LRTM2: variants seen among roughly 807,000 people sequenced by gnomAD.
The protein encoded by LRTM2 is leucine-rich repeat and transmembrane domain-containing protein 2.
A neutral mutation model predicts 28.1 loss-of-function variants in LRTM2; 18 were observed. The ratio of observed to expected loss-of-function variants is 0.64; its 90% CI spans 0.44 to 0.95. The LOEUF is 0.95. LRTM2 is among the 40% of genes least tolerant of loss of function. The probability of loss-of-function intolerance (pLI) is 0.00; values close to 1 mark genes in which losing one functional copy is unlikely to be tolerated. For missense variants in LRTM2, 436 were observed against 497.2 expected (o/e 0.88, Z 1.17); for synonymous variants, 250 against 218.7 (o/e 1.14, Z -1.26).
chr12:1,831,008 C>A lies in LRTM2; in HGVS notation c.141C>A (p.Ser47Arg), dbSNP rs768025964. The part of the protein sequence containing the change: ...PTCPFSCKCD[S>R]RSLEVDCSGL... ...GCCCTTTCTCCTGCAAGTGTGACAG[C>A]CGCAGCCTGGAGGTGGACTGCAGTG... The change falls in exon 4 of 5, where the codon AGC (serine) becomes AGA (arginine). Residue 47 changes from serine (S) to arginine (R), a missense_variant. Ser to Arg is a moderately radical substitution (Grantham distance 110). Coordinates refer to ENST00000299194, the MANE Select transcript of LRTM2 (RefSeq NM_001039029.3). The A allele has an allele frequency of 6.2e-7, 1 of 1,614,154 alleles. No homozygotes were observed. The highest frequency in any genetic ancestry group is 8.5e-7 in the Non-Finnish European group (1 of 1,180,008).
intron 2 of LRTM2, 154 bp from the exon 3 acceptor site, chr12:1,827,922 T>C (rs1209718597): frequency 2.4e-6 from 1 of 411,782 alleles, no homozygotes; most frequent in East Asian, 3.6e-5. Context: ...GAAGGCTTCC[T>C]GGCTCCTCTT....
intron 1 of LRTM2, chr12:1,822,107 GA>G (rs902487571): frequency 2.6e-5 from 4 of 152,088 alleles, no homozygotes; most frequent in African/African-American, 9.7e-5. Flanking sequence ...ACTGCCAAAA[GA>G]GGGAGACCAG....
At chr12:1,824,692 G>A (rs564846163) in intron 1 of LRTM2, among the ~76,000 whole-genome samples, 8 of 152,286 alleles carry the variant, frequency 5.3e-5, no homozygotes, top group East Asian at 3.9e-4. Flanking sequence ...TGCCTGCTGC[G>A]GCAGCTGCTC....
In LRTM2 at chr12:1,831,154, G is replaced by T. The variant is rs750586006; in HGVS notation, c.287G>T (p.Arg96Leu). Residue 96 changes from arginine to leucine, a missense_variant, in exon 4 of 5, where the codon CGG becomes CTG. Arg to Leu is a moderately radical substitution (Grantham distance 102, BLOSUM62 -2). Coordinates refer to ENST00000299194, the MANE Select transcript of LRTM2 (RefSeq NM_001039029.3). ...WAFANLSSLQ[R>L]LDLSNNFLDR... ...TTCGCCAACCTCTCCAGCCTGCAGC[G>T]GTTGGACCTGTCCAACAACTTCCTG... The T allele has an allele frequency of 1.2e-6, 2 of 1,613,946 alleles. No homozygotes were observed. The highest frequency in any genetic ancestry group is 3.3e-5 in the Admixed American group (2 of 60,026).
In LRTM2 at chr12:1,834,912, G is replaced by A; in HGVS notation, c.*191G>A. On this transcript the variant is annotated 3_prime_UTR_variant, in exon 5 of 5. Coordinates refer to ENST00000299194, the MANE Select transcript of LRTM2 (RefSeq NM_001039029.3). This position sits in a 1 kb window ranked among gnomAD's most constrained non-coding sequence, Gnocchi z 7.6. ...GGCTCCCTGAAAGCCACCGTGCTGGGGGCTCCTGCTGATGCTCCTGTCTGG... is the reference window on the plus strand; with the variant it reads ...GGCTCCCTGAAAGCCACCGTGCTGGAGGCTCCTGCTGATGCTCCTGTCTGG... 1.8e-6 allele frequency: 2 copies of A among 1,089,008 alleles called. No homozygotes were observed. The highest frequency in any genetic ancestry group is 2.6e-5 in the East Asian group (1 of 37,778). The allele number at this position is 1,089,008 out of a possible 1,614,324, so 67.5% of individuals were successfully genotyped here.
rs764357898 is a variant in LRTM2, at chr12:1,828,982, T to C, written c.67+767T>C. 1.3e-5 allele frequency among the ~76,000 whole-genome samples: 2 copies of C among 152,228 alleles called. No homozygotes were observed. The highest frequency in any genetic ancestry group is 4.8e-5 in the African/African-American group (2 of 41,452). Reference sequence around the variant, plus strand: ...CGGTCCCGCGGGACGGCATTCCGCCTGACTTCCCGCTCTGATCCAGCACCC... The same window carrying C: ...CGGTCCCGCGGGACGGCATTCCGCCCGACTTCCCGCTCTGATCCAGCACCC... On this transcript the variant is annotated intron_variant, in intron 3 of 4. Transcript: ENST00000299194. This position sits in a 1 kb window ranked among gnomAD's most constrained non-coding sequence, Gnocchi z 4.2.
intron 1 of LRTM2, among the ~76,000 whole-genome samples, chr12:1,826,549 C>A (rs920178410): frequency 3.3e-5 from 5 of 152,236 alleles, no homozygotes; most frequent in African/African-American, 4.8e-5. Flanking sequence ...TGCATGGGCA[C>A]CTGGGCTGCC....
In LRTM2 at chr12:1,834,857, C is replaced by A. The variant is rs990574652; in HGVS notation, c.*136C>A. The stretch of plus-strand genomic sequence containing the variant: ...TCCTCCCCGCCCTCCAGCAGACAAG[C>A]CACACCGGGTTCTCTCCCTGCACTT... On this transcript the variant is annotated 3_prime_UTR_variant, in exon 5 of 5. Transcript: ENST00000299194. The surrounding 1 kb of genome is among the most constrained non-coding windows in gnomAD (Gnocchi z 7.6). The A allele has an allele frequency of 7.0e-7, 1 of 1,420,930 alleles. No individual in the cohort carries two copies. The highest frequency in any genetic ancestry group is 9.2e-7 in the Non-Finnish European group (1 of 1,087,206). 88.0% of individuals were successfully genotyped at this position (1,420,930 alleles called of 1,614,324 possible).
chr12:1,825,242 G>A (rs10848579), intron 1 of LRTM2, among the ~76,000 whole-genome samples: 109,038 of 151,592 alleles, frequency 0.72, 39,399 homozygotes, highest in East Asian at 0.81. Flanking sequence ...AGGGATGGGA[G>A]AGGGTGAGGT....
At chr12:1,830,561 T>C (rs1038237880) in intron 3 of LRTM2, among the ~76,000 whole-genome samples, 1 of 152,176 alleles carries the variant, frequency 6.6e-6, no homozygotes, top group African/African-American at 2.4e-5. Flanking sequence ...ACATCCATGG[T>C]GTCAGTGGGA....
intron 4 of LRTM2, among the ~76,000 whole-genome samples, chr12:1,832,842 TA>T (rs1565697526): frequency 1.3e-5 from 2 of 152,234 alleles, no homozygotes; most frequent in Non-Finnish European, 2.9e-5. Flanking sequence ...CATAAGTAAT[TA>T]AATAAATTAA....
At position 1,829,518 on chromosome 12, in the gene LRTM2, G is replaced by A. The variant is rs1250266645; in HGVS notation, c.67+1303G>A. Among the ~76,000 whole-genome samples, 1 of 152,112 alleles carries A rather than the reference G, an allele frequency of 6.6e-6. No individual in the cohort carries two copies. Among genetic ancestry groups the A allele is most frequent in the Non-Finnish European group, 1.5e-5 (1 of 68,020 alleles). ...CAGTGAGGCTTGCTGTTAGGCTGCAGGGAGGCCTGGGCCAGATCTAGCCAC... is the reference window on the plus strand; with the variant it reads ...CAGTGAGGCTTGCTGTTAGGCTGCAAGGAGGCCTGGGCCAGATCTAGCCAC... On this transcript the variant is annotated intron_variant, in intron 3 of 4. Coordinates refer to ENST00000299194, the MANE Select transcript of LRTM2 (RefSeq NM_001039029.3). This position sits in a 1 kb window ranked among gnomAD's most constrained non-coding sequence, Gnocchi z 4.2.
chr12:1,830,880 G>A, intron 3 of LRTM2, 55 bp from the exon 4 acceptor site: 1 of 1,406,800 alleles, frequency 7.1e-7, no homozygotes, highest in Non-Finnish European at 9.6e-7. Context: ...AAGAGAAGCA[G>A]GAGGTGGTGA....
Position 1,836,661 on chromosome 12 carries a change from A to C in LRTM2, c.*1940A>C, listed in dbSNP as rs1864872060. ...AGGGGAGGGCATTGTCAATGGTGGT[A>C]TCTTTAGCCTGAGACAGAAGATTTT... On this transcript the variant is annotated 3_prime_UTR_variant, in exon 5 of 5. Transcript: ENST00000299194. 1 of 152,630 alleles carries C rather than the reference A, an allele frequency of 6.6e-6. No homozygotes were observed. Among genetic ancestry groups the C allele is most frequent in the South Asian group, 2.1e-4 (1 of 4,828 alleles). The allele number at this position is 152,630 out of a possible 1,614,324, so 9.5% of individuals were successfully genotyped here.
chr12:1,828,415 C>T lies in LRTM2; in HGVS notation c.67+200C>T, dbSNP rs1034999286. Among the ~76,000 whole-genome samples, 26 of 152,242 alleles carry T rather than the reference C, an allele frequency of 1.7e-4. No individual in the cohort carries two copies. Among genetic ancestry groups the T allele is most frequent in the African/African-American group, 5.5e-4 (23 of 41,462 alleles). On this transcript the variant is annotated intron_variant, in intron 3 of 4. Transcript: ENST00000299194. This position sits in a 1 kb window ranked among gnomAD's most constrained non-coding sequence, Gnocchi z 4.2. ...CAGCATCCCTGCCAGTCAGAGTCAC[C>T]GCTGAGTGCTGAGTGGTTAGACCTG...
chr12:1,827,976 G>C, intron 2 of LRTM2, 100 bp from the exon 3 acceptor site: 2 of 472,488 alleles, frequency 4.2e-6, no homozygotes, highest in Non-Finnish European at 7.4e-6. Context: ...ACAGGAGAGG[G>C]CATGAGGAGT....
In LRTM2 at chr12:1,834,608, A is replaced by G. The variant is rs1255825513; in HGVS notation, c.1000A>G (p.Ile334Val). ...GGTGGTGGCCGCTGCCTATGGCTGC[A>G]TCTACGCCTCCCTCATGGCCAAGTA... ...MMVVAAAYGC[I>V]YASLMAKYHR... The change falls in exon 5 of 5, where the codon ATC becomes GTC. Residue 334 changes from isoleucine (I) to valine (V), a missense_variant. Ile to Val is a conservative substitution (Grantham distance 29, BLOSUM62 3). Coordinates refer to ENST00000299194, the MANE Select transcript of LRTM2 (RefSeq NM_001039029.3). This position sits in a 1 kb window ranked among gnomAD's most constrained non-coding sequence, Gnocchi z 7.6. 6.2e-7 allele frequency: 1 copy of G among 1,600,118 alleles called. No homozygotes were observed. Among genetic ancestry groups the G allele is most frequent in the Non-Finnish European group, 8.5e-7 (1 of 1,179,908 alleles).
At chr12:1,821,908 TG>T (rs1864119827) in intron 1 of LRTM2, among the ~76,000 whole-genome samples, 1 of 151,676 alleles carries the variant, frequency 6.6e-6, no homozygotes. Flanking sequence ...AGTGTCTCTT[TG>T]TGACTCAGAT....
intron 2 of LRTM2, chr12:1,827,822 C>A (rs12813682): frequency 0.47 from 152,293 of 324,142 alleles, 40,320 homozygotes; most frequent in East Asian, 0.69. Context: ...CTGGGTAGGC[C>A]CATGGGTGCA....
Sources: allele counts gnomAD v4.1 joint callset (sites outside exome capture counted in the v4.1 genomes callset), GRCh38; gene constraint gnomAD v4.1.1; non-coding constraint Gnocchi (gnomAD v3.1); transcripts MANE v1.5; gene names NCBI Gene and HGNC (gene_info 2026-07-23, HGNC 2026-07-21).